The following SIK3 variants were observed in gnomAD, a reference collection of about 807,000 sequenced individuals.
SIK3 encodes SIK family kinase 3, also known as serine/threonine-protein kinase SIK3.
SIK3 carries 28 observed loss-of-function variants against 144.2 expected under a neutral mutation model. That is an observed-to-expected ratio of 0.19 (90% CI 0.14 to 0.27). The LOEUF is 0.27. Ranked by LOEUF, SIK3 falls within the 10% of genes least tolerant of loss-of-function variation. The pLI, the probability that SIK3 is intolerant of heterozygous loss-of-function variation, is 1.00. For synonymous variants in SIK3, 686 were observed against 676.3 expected, an observed-to-expected ratio of 1.01 and a Z score of -0.22; for missense variants, 1,319 against 1,776.0, an observed-to-expected ratio of 0.74 and a Z score of 4.62.
intron 21 of SIK3, chr11:116,857,059 A>G (rs1032497622): frequency 2.0e-5 from 3 of 152,208 alleles, no homozygotes; most frequent in Non-Finnish European, 4.4e-5. Context: ...ACTAATTGCA[A>G]TCCTGATCTC....
intron 5 of SIK3, 148 bp downstream of exon 5, chr11:116,897,045 A>T: frequency 3.4e-6 from 2 of 581,330 alleles, no homozygotes; most frequent in Non-Finnish European, 5.3e-6. Flanking sequence ...AAAAAAAAAA[A>T]GGCTTTGCAC....
chr11:117,073,177 C>T (rs548145542), intron 1 of SIK3, among the ~76,000 whole-genome samples: 6 of 152,228 alleles, frequency 3.9e-5, no homozygotes, highest in Non-Finnish European at 7.4e-5. Flanking sequence ...TATCTTAAGG[C>T]TCTACATATG....
chr11:116,927,208 AC>A lies in SIK3; in HGVS notation c.616+10del. The A allele has an allele frequency of 6.2e-7, 1 of 1,611,096 alleles. No homozygotes were observed. Among genetic ancestry groups the A allele is most frequent in the Middle Eastern group, 1.7e-4 (1 of 6,060 alleles). ...TTTGTCCCTATCTGACATCCTCAGT[AC>A]AGTTCTCACCTGCTATTTTGATATT... On this transcript the variant is annotated intron_variant, in intron 4 of 24. Transcript: ENST00000445177.
chr11:116,930,653 C>T (rs902824768), intron 3 of SIK3, among the ~76,000 whole-genome samples: 9 of 152,284 alleles, frequency 5.9e-5, no homozygotes, highest in African/African-American at 2.2e-4. Context: ...AGTTGTTCTG[C>T]TTCTTCCAGG....
intron 1 of SIK3, among the ~76,000 whole-genome samples, chr11:117,016,368 A>G (rs1173765870): frequency 1.9e-3 from 107 of 57,802 alleles, no homozygotes; most frequent in African/African-American, 8.7e-3. Flanking sequence ...GAGGGAGGGA[A>G]GGAGAGGGAG....
intron 3 of SIK3, among the ~76,000 whole-genome samples, chr11:116,929,225 CTAA>C (rs1214251506): frequency 6.6e-6 from 1 of 152,162 alleles, no homozygotes; most frequent in African/African-American, 2.4e-5. Flanking sequence ...CCTAATTATT[CTAA>C]TAATATGTTT....
rs1310285003 is a variant in SIK3 at position 116,846,862 on chromosome 11, T to TA, written c.3953-310dup. Among the ~76,000 whole-genome samples the TA allele has an allele frequency of 5.3e-5, 8 of 152,314 alleles. No homozygotes were observed. The East Asian group carries it at 1.5e-3, about 29-fold the overall frequency. ...GACTCCTTCAGAAAGGATCACCTCT[T>TA]AAAGAGTGAAAGGGAGAATAATTTT... On this transcript the variant is annotated intron_variant, in intron 23 of 24. Coordinates refer to ENST00000445177, the MANE Select transcript of SIK3 (RefSeq NM_001366686.3). The surrounding 1 kb of genome is among the most constrained non-coding windows in gnomAD (Gnocchi z 4.1).
chr11:117,036,817 T>C (rs1181941683), intron 1 of SIK3, among the ~76,000 whole-genome samples: 5 of 152,212 alleles, frequency 3.3e-5, no homozygotes, highest in Admixed American at 2.0e-4. Flanking sequence ...AATACGCAGA[T>C]TCTTTTTCAA....
chr11:116,886,672 G>C (rs1944836260), intron 6 of SIK3, among the ~76,000 whole-genome samples: 1 of 152,122 alleles, frequency 6.6e-6, no homozygotes, highest in Non-Finnish European at 1.5e-5. Flanking sequence ...TTTTCCTTCA[G>C]TTAAATAAAC....
Position 117,082,584 on chromosome 11 carries a change from T to C in SIK3, c.273+15559A>G, listed in dbSNP as rs145128419. 4.4e-3 allele frequency among the ~76,000 whole-genome samples: 668 copies of C among 152,326 alleles called. 6 individuals carry two copies. The highest frequency in any genetic ancestry group is 0.015 in the African/African-American group (641 of 41,576). On this transcript the variant is annotated intron_variant, in intron 1 of 24. Transcript: ENST00000445177. ...GAAGTGTCCAGATGACGTAAATCGA[T>C]AAAAATTAATTTGTGGTTGCTTAGG... is the stretch of plus-strand genomic sequence containing the variant.
chr11:117,027,391 T>C (rs952844154), intron 1 of SIK3, among the ~76,000 whole-genome samples: 1 of 152,172 alleles, frequency 6.6e-6, no homozygotes, highest in Non-Finnish European at 1.5e-5. Context: ...TCCTAGACCA[T>C]AAGCATCACA....
chr11:116,871,852 TG>T (rs1943988308), intron 13 of SIK3, among the ~76,000 whole-genome samples: 1 of 152,164 alleles, frequency 6.6e-6, no homozygotes, highest in Admixed American at 6.5e-5. Flanking sequence ...TACAGAGTCA[TG>T]GTAAGTTCAT....
intron 1 of SIK3, among the ~76,000 whole-genome samples, chr11:117,068,008 T>TA (rs1359310326): frequency 6.6e-6 from 1 of 151,876 alleles, no homozygotes; most frequent in African/African-American, 2.4e-5. Flanking sequence ...AAATAATTTG[T>TA]AAAAAATAAA....
At chr11:116,892,142 G>A (rs1384785969) in intron 6 of SIK3, among the ~76,000 whole-genome samples, 3 of 152,198 alleles carry the variant, frequency 2.0e-5, no homozygotes, top group Non-Finnish European at 2.9e-5. Context: ...GGGACAAAAA[G>A]TTAACTGAGG....
At position 117,078,440 on chromosome 11, in the gene SIK3, G is replaced by A. The variant is rs913780975; in HGVS notation, c.273+19703C>T. ...TTTTTTTTTTTTTTTTTTTTGAGAC[G>A]GAGTCTTGCTTTGTCACCCAGCTGT... On this transcript the variant is annotated intron_variant, in intron 1 of 24. Transcript: ENST00000445177. 5.9e-5 allele frequency among the ~76,000 whole-genome samples: 8 copies of A among 135,960 alleles called. No individual in the cohort carries two copies. In the East Asian group the frequency reaches 6.3e-4, roughly 11 times the overall value. The allele number at this position is 135,960 out of a possible 152,430, so 89.2% of individuals were successfully genotyped here.
intron 13 of SIK3, among the ~76,000 whole-genome samples, chr11:116,872,511 A>G (rs1359715826): frequency 6.6e-6 from 1 of 152,216 alleles, no homozygotes; most frequent in East Asian, 1.9e-4. Flanking sequence ...TTCATTACTG[A>G]AAGTGTGGCC....
intron 3 of SIK3, among the ~76,000 whole-genome samples, chr11:116,951,167 C>T (rs1948916532): frequency 6.6e-6 from 1 of 152,160 alleles, no homozygotes; most frequent in African/African-American, 2.4e-5. Context: ...GTAATTTGCT[C>T]TAAGTAAAAG....
chr11:117,017,675 C>A (rs1951596817), intron 1 of SIK3, among the ~76,000 whole-genome samples: 1 of 152,076 alleles, frequency 6.6e-6, no homozygotes, highest in Admixed American at 6.6e-5. Flanking sequence ...ACTGGTTATA[C>A]AACTCCTTTG....
chr11:116,980,443 C>G (rs577511831), intron 1 of SIK3, among the ~76,000 whole-genome samples: 57 of 152,346 alleles, frequency 3.7e-4, no homozygotes, highest in Admixed American at 2.6e-3. Context: ...GTTTAGACAG[C>G]TTGAATTCTA....
Sources: gnomAD v4.1 joint callset for allele counts (sites outside exome capture counted in the v4.1 genomes callset) on GRCh38, gnomAD v4.1.1 for gene constraint, Gnocchi (gnomAD v3.1) non-coding constraint, MANE v1.5 for transcripts, NCBI Gene and HGNC (gene_info 2026-07-23, HGNC 2026-07-21) for gene names.